PVT1: variants seen among roughly 807,000 people sequenced by gnomAD.
The protein encoded by PVT1 is Pvt1 oncogene.
In PVT1 at chr8:128,053,683, C is replaced by G. The variant is rs114071741; in HGVS notation, n.913-16477C>G. On this transcript the variant is annotated intron_variant and non_coding_transcript_variant, in intron 4 of 10. Coordinates refer to ENST00000651587, the Ensembl canonical transcript of PVT1. ...GAAAGGATGTGAGTGATGTGAGTTT[C>G]TTAGCTGGCTTTGGAACAGAACAGA... is the stretch of plus-strand genomic sequence containing the variant. Among the ~76,000 whole-genome samples, 586 of 152,264 alleles carry G rather than the reference C, an allele frequency of 3.8e-3. 1 individual carries two copies. Among genetic ancestry groups the G allele is most frequent in the African/African-American group, 0.013 (525 of 41,552 alleles).
At chr8:127,798,479 A>G (rs1040775754) in intron 2 of PVT1, among the ~76,000 whole-genome samples, 15 of 152,000 alleles carry the variant, frequency 9.9e-5, no homozygotes, top group African/African-American at 3.6e-4. Flanking sequence ...GTCAGAGACA[A>G]AGGGGCCAAG....
intron 2 of PVT1, among the ~76,000 whole-genome samples, chr8:127,857,388 C>T (rs979476124): frequency 6.6e-6 from 1 of 151,204 alleles, no homozygotes; most frequent in Non-Finnish European, 1.5e-5. Flanking sequence ...CAGTTAGGGA[C>T]AGGCTGGGGC....
chr8:128,050,256 T>G (rs1813673590), intron 4 of PVT1, among the ~76,000 whole-genome samples: 1 of 152,160 alleles, frequency 6.6e-6, no homozygotes, highest in Non-Finnish European at 1.5e-5. Flanking sequence ...TCCCATCCCA[T>G]GCCTCATGTT....
At chr8:128,055,885 C>G (rs1813756785) in intron 4 of PVT1, among the ~76,000 whole-genome samples, 1 of 152,156 alleles carries the variant, frequency 6.6e-6, no homozygotes, top group Non-Finnish European at 1.5e-5. Flanking sequence ...ATCACCTTCC[C>G]CTGGTAAAGC....
At chr8:127,983,326 T>C (rs75689058) in intron 3 of PVT1, among the ~76,000 whole-genome samples, 3,505 of 152,286 alleles carry the variant, frequency 0.023, 150 homozygotes, top group African/African-American at 0.082. Flanking sequence ...AGCCTTACCC[T>C]TTGTAGTTTT....
chr8:127,978,488 A>G (rs6992123), intron 3 of PVT1, among the ~76,000 whole-genome samples: 26,600 of 149,624 alleles, frequency 0.18, 3,247 homozygotes, highest in African/African-American at 0.35. Context: ...ATTATTTATT[A>G]TTATTATTAT....
At chr8:127,934,588 T>A (rs905447757) in intron 3 of PVT1, among the ~76,000 whole-genome samples, 2 of 152,192 alleles carry the variant, frequency 1.3e-5, no homozygotes, top group African/African-American at 2.4e-5. Flanking sequence ...AGTGAATGGG[T>A]ACATTTCTCC....
At chr8:128,090,851 A>AT (rs144071949) in intron 5 of PVT1, among the ~76,000 whole-genome samples, 9 of 151,318 alleles carry the variant, frequency 5.9e-5, no homozygotes, top group East Asian at 3.9e-4. Flanking sequence ...GCTCCTAAAT[A>AT]TTTTTTTTTC....
At chr8:127,864,274 A>G (rs1389180473) in intron 2 of PVT1, among the ~76,000 whole-genome samples, 1 of 151,838 alleles carries the variant, frequency 6.6e-6, no homozygotes. Context: ...TGGGGAGGGG[A>G]GAGAGCCTGC....
chr8:127,942,169 C>T (rs1816360559), intron 3 of PVT1, among the ~76,000 whole-genome samples: 2 of 152,158 alleles, frequency 1.3e-5, no homozygotes, highest in South Asian at 4.1e-4. Flanking sequence ...TTTCGCCTGT[C>T]AGTTCTGCCA....
At chr8:128,022,701 T>G (rs775386907) in intron 4 of PVT1, among the ~76,000 whole-genome samples, 4 of 152,166 alleles carry the variant, frequency 2.6e-5, no homozygotes, top group Non-Finnish European at 5.9e-5. Context: ...GCTCAGTAAC[T>G]TTACGTAAGT....
chr8:127,844,479 C>A (rs1322794877), intron 2 of PVT1, among the ~76,000 whole-genome samples: 1 of 152,168 alleles, frequency 6.6e-6, no homozygotes, highest in Non-Finnish European at 1.5e-5. Context: ...TCCTCTACAA[C>A]CCACACAACA....
rs540053522 is a variant in PVT1 at position 127,822,761 on chromosome 8, C to A, written n.372+26690C>A. On this transcript the variant is annotated intron_variant and non_coding_transcript_variant, in intron 2 of 10. Coordinates refer to ENST00000651587, the Ensembl canonical transcript of PVT1. ...TTGTGGGCGGGAGAAACAGCACCTA[C>A]AGGGCTGAGATGGATGAAAGCTCAG... Among the ~76,000 whole-genome samples, 4 of 152,264 alleles carry A rather than the reference C, an allele frequency of 2.6e-5. No homozygotes were observed. In the East Asian group the frequency reaches 7.7e-4, roughly 29 times the overall value.
intron 2 of PVT1, among the ~76,000 whole-genome samples, chr8:127,820,132 G>A (rs73710030): frequency 6.6e-6 from 1 of 152,202 alleles, no homozygotes; most frequent in Non-Finnish European, 1.5e-5. Flanking sequence ...AAGGCCAGCG[G>A]TCCAGCACTC....
At chr8:127,945,706 A>T (rs1199888256) in intron 3 of PVT1, among the ~76,000 whole-genome samples, 2 of 152,156 alleles carry the variant, frequency 1.3e-5, no homozygotes, top group African/African-American at 4.8e-5. Flanking sequence ...TGGACCTCCC[A>T]CTGAGCAGTT....
chr8:127,877,834 G>C (rs1815421987), intron 2 of PVT1, among the ~76,000 whole-genome samples: 1 of 152,130 alleles, frequency 6.6e-6, no homozygotes, highest in Non-Finnish European at 1.5e-5. Context: ...GCTGAGGTGG[G>C]AGAATTGCTT....
intron 1 of PVT1, among the ~76,000 whole-genome samples, chr8:127,795,329 G>A (rs1030380808): frequency 6.6e-6 from 1 of 152,298 alleles, no homozygotes; most frequent in Middle Eastern, 3.4e-3. Flanking sequence ...TCTTATTTAT[G>A]CCAGTGTTTG....
intron 3 of PVT1, among the ~76,000 whole-genome samples, chr8:127,916,160 G>A (rs981886143): frequency 6.6e-6 from 1 of 152,230 alleles, no homozygotes; most frequent in African/African-American, 2.4e-5. Flanking sequence ...TGTGCAGTGG[G>A]AGAGCATGAG....
intron 3 of PVT1, among the ~76,000 whole-genome samples, chr8:127,981,594 A>G (rs1427475784): frequency 6.6e-6 from 1 of 152,234 alleles, no homozygotes; most frequent in Non-Finnish European, 1.5e-5. Flanking sequence ...TGACTTAATA[A>G]CTTAACACCT....
Sources: gnomAD v4.1 joint callset for allele counts (sites outside exome capture counted in the v4.1 genomes callset) on GRCh38, gnomAD v4.1.1 for gene constraint, MANE v1.5 for transcripts, NCBI Gene and HGNC (gene_info 2026-07-23, HGNC 2026-07-21) for gene names.